The following GRAP2 variants were observed in gnomAD, a reference collection of about 807,000 sequenced individuals.
GRAP2 encodes the protein GRB2-related adapter protein 2.
Under a neutral mutation model 43.5 loss-of-function variants are expected in GRAP2, and 31 were observed. The observed-to-expected ratio is 0.71, with a 90% CI of 0.54 to 0.96. GRAP2 has a LOEUF of 0.96. Ranked by LOEUF, GRAP2 falls within the 40% of genes least tolerant of loss-of-function variation. The pLI is 0.00. For synonymous variants in GRAP2, 156 were observed against 164.8 expected (o/e 0.95, Z 0.41); for missense variants, 371 against 424.4 (o/e 0.87, Z 1.11).
chr22:39,910,593 G>A (rs1473326847), intron 1 of GRAP2, among the ~76,000 whole-genome samples: 1 of 151,828 alleles, frequency 6.6e-6, no homozygotes, highest in Non-Finnish European at 1.5e-5. Context: ...ATTTTTAGTA[G>A]AGACGGGGTT....
chr22:39,950,130 T>C (rs1020702802), intron 2 of GRAP2, among the ~76,000 whole-genome samples: 1 of 151,966 alleles, frequency 6.6e-6, no homozygotes, highest in Non-Finnish European at 1.5e-5. Context: ...TCTCAGCCTC[T>C]CCCCTATATA....
chr22:39,941,276 G>A (rs1028482009), intron 1 of GRAP2, among the ~76,000 whole-genome samples: 1 of 152,172 alleles, frequency 6.6e-6, no homozygotes, highest in African/African-American at 2.4e-5. Flanking sequence ...GTGTATCAGA[G>A]TCTACGCATT....
intron 1 of GRAP2, among the ~76,000 whole-genome samples, chr22:39,920,376 C>T (rs923757235): frequency 7.9e-5 from 12 of 152,158 alleles, no homozygotes; most frequent in African/African-American, 2.9e-4. Context: ...CATCTAAATT[C>T]AAAGAAAATC....
chr22:39,908,847 C>A (rs955218040), intron 1 of GRAP2, among the ~76,000 whole-genome samples: 5 of 152,182 alleles, frequency 3.3e-5, no homozygotes, highest in African/African-American at 4.8e-5. Flanking sequence ...TTGTTGCAGA[C>A]AGTATCATCT....
At chr22:39,913,538 T>G (rs757198472) in intron 1 of GRAP2, among the ~76,000 whole-genome samples, 3 of 152,130 alleles carry the variant, frequency 2.0e-5, no homozygotes, top group Non-Finnish European at 4.4e-5. Flanking sequence ...AGAGTGAGCT[T>G]CTTAAATCCC....
rs751728976 is a variant in GRAP2 at position 39,968,050 on chromosome 22, G to A, written c.468G>A (p.Arg156=). Residue 156 remains arginine, a synonymous_variant, in exon 6 of 8, where the codon CGG becomes CGA. Transcript: ENST00000344138. The part of the protein sequence containing the change: ...RDRTREDQGH[R]GNSLDRRSQG... Reference sequence around the variant, plus strand: ...TCTGTTCTTTCTCCCAGGGTCACCGGGGCAACAGCCTGGACCGGAGGTCCC... The same window carrying A: ...TCTGTTCTTTCTCCCAGGGTCACCGAGGCAACAGCCTGGACCGGAGGTCCC... The A allele has an allele frequency of 1.9e-6, 3 of 1,612,684 alleles. No homozygotes were observed. Among genetic ancestry groups the A allele is most frequent in the Non-Finnish European group, 2.5e-6 (3 of 1,179,222 alleles).
chr22:39,940,884 C>T (rs1332360056), intron 1 of GRAP2, among the ~76,000 whole-genome samples: 4 of 152,144 alleles, frequency 2.6e-5, no homozygotes, highest in Non-Finnish European at 5.9e-5. Context: ...AGACAATCAC[C>T]GAACCTGTCT....
At chr22:39,970,619 G>C (rs1190149987) in intron 7 of GRAP2, among the ~76,000 whole-genome samples, 1 of 152,132 alleles carries the variant, frequency 6.6e-6, no homozygotes, top group African/African-American at 2.4e-5. Flanking sequence ...ATAGGTATCT[G>C]ATTTAAATTG....
intron 2 of GRAP2, among the ~76,000 whole-genome samples, chr22:39,953,005 A>G (rs892585443): frequency 1.3e-5 from 2 of 152,046 alleles, no homozygotes; most frequent in Non-Finnish European, 2.9e-5. Flanking sequence ...CTCGTTCCCA[A>G]CTCACAACAC....
intron 1 of GRAP2, among the ~76,000 whole-genome samples, chr22:39,912,822 C>T (rs566065227): frequency 6.6e-6 from 1 of 152,058 alleles, no homozygotes; most frequent in Admixed American, 6.6e-5. Flanking sequence ...AATGGAAAAT[C>T]CAGCCACAGA....
At chr22:39,909,177 C>A (rs756624374) in intron 1 of GRAP2, among the ~76,000 whole-genome samples, 18 of 152,156 alleles carry the variant, frequency 1.2e-4, no homozygotes, top group Admixed American at 3.3e-4. Context: ...AAATAGACTA[C>A]TAATTCATTT....
intron 1 of GRAP2, among the ~76,000 whole-genome samples, chr22:39,912,041 G>A (rs1454015310): frequency 1.3e-5 from 2 of 152,186 alleles, no homozygotes; most frequent in Non-Finnish European, 2.9e-5. Context: ...TTATTAAAAG[G>A]TTAGAGTCCT....
At chr22:39,928,288 A>G (rs1422304427) in intron 1 of GRAP2, among the ~76,000 whole-genome samples, 1 of 152,146 alleles carries the variant, frequency 6.6e-6, no homozygotes, top group Non-Finnish European at 1.5e-5. Flanking sequence ...ACAAATTACC[A>G]CTTACATGAA....
intron 6 of GRAP2, 115 bp downstream of exon 6, chr22:39,968,387 C>A: frequency 1.6e-6 from 2 of 1,247,516 alleles, no homozygotes. Flanking sequence ...ACCCTGGACC[C>A]CCCCAAATGG....
At chr22:39,915,779 A>G (rs544955230) in intron 1 of GRAP2, among the ~76,000 whole-genome samples, 1 of 152,308 alleles carries the variant, frequency 6.6e-6, no homozygotes, top group South Asian at 2.1e-4. Context: ...ACTGTATTAT[A>G]TGACTTTAGG....
chr22:39,919,535 A>G (rs1380242435), intron 1 of GRAP2, among the ~76,000 whole-genome samples: 1 of 152,162 alleles, frequency 6.6e-6, no homozygotes, highest in Non-Finnish European at 1.5e-5. Flanking sequence ...CTTCATGCAA[A>G]CTCATCATCT....
chr22:39,955,227 G>T (rs574659674), intron 2 of GRAP2, among the ~76,000 whole-genome samples: 3 of 152,100 alleles, frequency 2.0e-5, no homozygotes, highest in East Asian at 3.9e-4. Flanking sequence ...GTGTAGTGGC[G>T]CATGCCTGTA....
At chr22:39,946,572 A>G (rs1425503414) in intron 1 of GRAP2, among the ~76,000 whole-genome samples, 1 of 152,230 alleles carries the variant, frequency 6.6e-6, no homozygotes, top group Non-Finnish European at 1.5e-5. Flanking sequence ...AACCATGCAG[A>G]AGGAAGCTGA....
chr22:39,928,468 T>C (rs2066726400), intron 1 of GRAP2, among the ~76,000 whole-genome samples: 1 of 152,236 alleles, frequency 6.6e-6, no homozygotes, highest in South Asian at 2.1e-4. Flanking sequence ...TTTGCTTGAT[T>C]CTGCTTTTAA....
Sources: gnomAD v4.1 joint callset for allele counts (sites outside exome capture counted in the v4.1 genomes callset) on GRCh38, gnomAD v4.1.1 for gene constraint, MANE v1.5 for transcripts, NCBI Gene and HGNC (gene_info 2026-07-23, HGNC 2026-07-21) for gene names.